NEK10: variants seen among roughly 807,000 people sequenced by gnomAD.
The protein encoded by NEK10 is NIMA related kinase 10.
NEK10 carries 122 observed loss-of-function variants against 159.8 expected under a neutral mutation model. The observed-to-expected ratio is 0.76, with a 90% CI of 0.66 to 0.89. The LOEUF (loss-of-function observed/expected upper bound fraction) is 0.89, where lower values mean the gene tolerates loss of function less well. Among genes scored for constraint, NEK10 ranks in the 40% least tolerant of loss-of-function variants. The probability of loss-of-function intolerance (pLI) is 0.00; values close to 1 mark genes in which losing one functional copy is unlikely to be tolerated. For synonymous variants in NEK10, 466 were observed against 457.1 expected (o/e 1.02, Z -0.25); for missense variants, 1,342 against 1,323.1 (o/e 1.01, Z -0.22).
At chr3:27,207,494 A>G (rs1401292193) in intron 23 of NEK10, among the ~76,000 whole-genome samples, 1 of 152,194 alleles carries the variant, frequency 6.6e-6, no homozygotes, top group Admixed American at 6.5e-5. Flanking sequence ...AAGAATCTCA[A>G]GGAGTTTGGG....
intron 6 of NEK10, among the ~76,000 whole-genome samples, chr3:27,318,158 A>G (rs1412069638): frequency 6.6e-6 from 1 of 152,064 alleles, no homozygotes; most frequent in African/African-American, 2.4e-5. Flanking sequence ...GCCTTTACCT[A>G]TCTTTCTAGG....
chr3:27,334,571 C>T (rs1277535444), intron 5 of NEK10, among the ~76,000 whole-genome samples: 1 of 152,214 alleles, frequency 6.6e-6, no homozygotes, highest in Non-Finnish European at 1.5e-5. Context: ...CAAAACTACA[C>T]CCCAGCCTCC....
chr3:27,129,840 A>T (rs1942402316), intron 32 of NEK10, among the ~76,000 whole-genome samples: 1 of 152,082 alleles, frequency 6.6e-6, no homozygotes, highest in African/African-American at 2.4e-5. Flanking sequence ...AAGTGGATTC[A>T]CCCATAGAGA....
chr3:27,153,747 C>A (rs1399374160), intron 30 of NEK10, among the ~76,000 whole-genome samples: 2 of 152,122 alleles, frequency 1.3e-5, no homozygotes, highest in African/African-American at 2.4e-5. Flanking sequence ...TTTAAAAATT[C>A]TTTGAATTGA....
At chr3:27,213,752 A>ACT (rs1951230446) in intron 23 of NEK10, among the ~76,000 whole-genome samples, 1 of 152,106 alleles carries the variant, frequency 6.6e-6, no homozygotes, top group Admixed American at 6.5e-5. Flanking sequence ...TTCCAACCTG[A>ACT]CTCTGGTGTA....
At chr3:27,363,529 A>C (rs1382552071) in intron 1 of NEK10, among the ~76,000 whole-genome samples, 1 of 152,220 alleles carries the variant, frequency 6.6e-6, no homozygotes, top group Non-Finnish European at 1.5e-5. Flanking sequence ...GTAGATATGG[A>C]GAGTAGAGAC....
At chr3:27,242,324 T>C (rs1954642619) in intron 23 of NEK10, among the ~76,000 whole-genome samples, 1 of 152,234 alleles carries the variant, frequency 6.6e-6, no homozygotes, top group African/African-American at 2.4e-5. Flanking sequence ...TATCTACTTA[T>C]CAATCGATTG....
chr3:27,213,404 T>C (rs1951191034), intron 23 of NEK10, among the ~76,000 whole-genome samples: 1 of 152,234 alleles, frequency 6.6e-6, no homozygotes. Context: ...CTTGGTATTT[T>C]GCTTTGTTGA....
chr3:27,116,225 T>A (rs1197557018), intron 33 of NEK10, 98 bp from the exon 34 acceptor site: 1 of 1,033,224 alleles, frequency 9.7e-7, no homozygotes, highest in Non-Finnish European at 1.5e-6. Flanking sequence ...GGCAAACAGG[T>A]CAATTTCTTA....
intron 1 of NEK10, among the ~76,000 whole-genome samples, chr3:27,364,348 T>TTGTGTGTGTGTGTGTG (rs4016621): frequency 8.3e-6 from 1 of 120,568 alleles, no homozygotes; most frequent in African/African-American, 3.1e-5. Context: ...GCCTGGCTAA[T>TTGTGTGTGTGTGTGTG]TGTGTGTGTG....
At chr3:27,163,618 C>T (rs959195138) in intron 29 of NEK10, among the ~76,000 whole-genome samples, 1 of 152,068 alleles carries the variant, frequency 6.6e-6, no homozygotes, top group Admixed American at 6.6e-5. Flanking sequence ...TCCTAAAGTG[C>T]TGGGATTACA....
At chr3:27,294,280 C>T (rs545629750) in intron 15 of NEK10, among the ~76,000 whole-genome samples, 1 of 152,314 alleles carries the variant, frequency 6.6e-6, no homozygotes, top group Admixed American at 6.5e-5. Flanking sequence ...TGCAGCTGTG[C>T]CTGCACAATA....
intron 22 of NEK10, among the ~76,000 whole-genome samples, chr3:27,269,104 C>T (rs1579817): frequency 0.64 from 96,731 of 152,086 alleles, 33,075 homozygotes; most frequent in African/African-American, 0.91. Context: ...AAAACTTGAA[C>T]GGATGAAGAG....
At chr3:27,361,984 CTT>C (rs1351787631) in intron 1 of NEK10, among the ~76,000 whole-genome samples, 11 of 152,054 alleles carry the variant, frequency 7.2e-5, no homozygotes, top group African/African-American at 2.7e-4. Context: ...GATAATGTCT[CTT>C]TGTAAAAGAA....
Position 27,312,171 on chromosome 3 carries a change from C to G in NEK10, c.496G>C (p.Glu166Gln). The change falls in exon 8 of 36, where the codon GAG becomes CAG. Residue 166 changes from glutamate to glutamine, a missense_variant. Coordinates refer to ENST00000691995, the MANE Select transcript of NEK10 (RefSeq NM_001394966.1). The stretch of plus-strand genomic sequence containing the variant: ...CCGAGGTACTCATTGGCTACAATCT[C>G]CATATACTGCATGAAGGACCAAACC... ...GGIENLAQYM[E>Q]IVANEYLGYG... 6.2e-7 allele frequency: 1 copy of G among 1,604,336 alleles called. No homozygotes were observed.
intron 22 of NEK10, among the ~76,000 whole-genome samples, chr3:27,282,238 T>A (rs73161151): frequency 0.025 from 3,737 of 152,142 alleles, 158 homozygotes; most frequent in African/African-American, 0.086. Flanking sequence ...GGAACAGAAC[T>A]AAAGTTTCAA....
chr3:27,214,946 C>G, intron 23 of NEK10: 1 of 881,752 alleles, frequency 1.1e-6, no homozygotes. Flanking sequence ...ATTCCTAATC[C>G]AAAACCAGTG....
intron 23 of NEK10, among the ~76,000 whole-genome samples, chr3:27,239,866 C>T (rs1399589004): frequency 6.6e-6 from 1 of 152,088 alleles, no homozygotes; most frequent in East Asian, 1.9e-4. Flanking sequence ...TGTAGGAACA[C>T]TAGATTTTTT....
rs895991186 is a variant in NEK10, at chr3:27,109,339, A to G, written c.*1933T>C. 1.4e-5 allele frequency among the ~76,000 whole-genome samples: 2 copies of G among 146,970 alleles called. No individual in the cohort carries two copies. The highest frequency in any genetic ancestry group is 4.3e-4 in the East Asian group (2 of 4,690). Reference sequence around the variant, plus strand: ...GGTTGCAGTAAGTTAAGATCTCGCCATTGCACTCAAGCCTGGGCAACAGAG... The same window carrying G: ...GGTTGCAGTAAGTTAAGATCTCGCCGTTGCACTCAAGCCTGGGCAACAGAG... On this transcript the variant is annotated 3_prime_UTR_variant, in exon 36 of 36. Transcript: ENST00000691995.
Sources: gnomAD v4.1 joint callset for allele counts (sites outside exome capture counted in the v4.1 genomes callset) on GRCh38, gnomAD v4.1.1 for gene constraint, MANE v1.5 for transcripts, NCBI Gene and HGNC (gene_info 2026-07-23, HGNC 2026-07-21) for gene names.